HS3ST2: variants seen among roughly 807,000 people sequenced by gnomAD.
HS3ST2 encodes the protein heparan sulfate-glucosamine 3-sulfotransferase 2, also known as heparan sulfate glucosamine 3-O-sulfotransferase 2.
A neutral mutation model predicts 26.3 loss-of-function variants in HS3ST2; 17 were observed. The observed-to-expected ratio is 0.65, with a 90% CI of 0.44 to 0.97. HS3ST2 has a LOEUF of 0.97. Ranked by LOEUF, HS3ST2 falls within the 50% of genes least tolerant of loss-of-function variation. HS3ST2 has a pLI of 0.00. For missense variants in HS3ST2, 402 were observed against 501.2 expected (o/e 0.80, Z 1.89); for synonymous variants, 237 against 219.2 (o/e 1.08, Z -0.72).
intron 1 of HS3ST2, among the ~76,000 whole-genome samples, chr16:22,836,523 T>C (rs1198019097): frequency 6.6e-6 from 1 of 152,230 alleles, no homozygotes; most frequent in Non-Finnish European, 1.5e-5. Flanking sequence ...CTGTCCTTCC[T>C]GTCTCCATTA....
rs139509490 is a variant in HS3ST2, at chr16:22,906,825, G to A, written c.486-8119G>A. 1.6e-4 allele frequency among the ~76,000 whole-genome samples: 24 copies of A among 152,264 alleles called. No individual in the cohort carries two copies. In the East Asian group the frequency reaches 4.6e-3, roughly 29 times the overall value. Reference sequence around the variant, plus strand: ...AGGACTCAAGGGCCGCTTCTCAATGGGCATCTACCTCTGACACTGGATCTT... The same window carrying A: ...AGGACTCAAGGGCCGCTTCTCAATGAGCATCTACCTCTGACACTGGATCTT... On this transcript the variant is annotated intron_variant, in intron 1 of 1. Coordinates refer to ENST00000261374, the MANE Select transcript of HS3ST2 (RefSeq NM_006043.2).
intron 1 of HS3ST2, among the ~76,000 whole-genome samples, chr16:22,888,596 A>G (rs1195806611): frequency 2.6e-5 from 4 of 151,950 alleles, no homozygotes; most frequent in Non-Finnish European, 5.9e-5. Context: ...GATGTTAGCC[A>G]GAATGGTCTC....
chr16:22,908,250 G>T (rs1306469790), intron 1 of HS3ST2, among the ~76,000 whole-genome samples: 1 of 152,194 alleles, frequency 6.6e-6, no homozygotes, highest in Non-Finnish European at 1.5e-5. Flanking sequence ...AAATGGATTA[G>T]ATAGGTTGTT....
intron 1 of HS3ST2, among the ~76,000 whole-genome samples, chr16:22,841,702 G>A (rs942927630): frequency 3.7e-4 from 57 of 152,124 alleles, no homozygotes; most frequent in African/African-American, 1.3e-3. Flanking sequence ...CAAGATTGTA[G>A]ATTTATCCAG....
intron 1 of HS3ST2, among the ~76,000 whole-genome samples, chr16:22,851,371 A>G (rs1433005255): frequency 6.6e-6 from 1 of 152,228 alleles, no homozygotes; most frequent in Non-Finnish European, 1.5e-5. Context: ...GTCTCATTTT[A>G]TACGTGAGGA....
At chr16:22,831,285 C>T (rs1215354296) in intron 1 of HS3ST2, among the ~76,000 whole-genome samples, 2 of 152,242 alleles carry the variant, frequency 1.3e-5, no homozygotes, top group African/African-American at 2.4e-5. Flanking sequence ...CACTAAGATT[C>T]TCCCTGCTTT....
At chr16:22,832,171 A>ATTTTTTTTTT (rs1289839839) in intron 1 of HS3ST2, among the ~76,000 whole-genome samples, 17 of 112,208 alleles carry the variant, frequency 1.5e-4, no homozygotes, top group South Asian at 3.3e-4. Flanking sequence ...TTTTTTTTTA[A>ATTTTTTTTTT]TTTTTAGTGG....
At chr16:22,870,569 A>G (rs977655722) in intron 1 of HS3ST2, among the ~76,000 whole-genome samples, 2 of 151,764 alleles carry the variant, frequency 1.3e-5, no homozygotes, top group Admixed American at 1.3e-4. Flanking sequence ...TGTCTCTCTG[A>G]TCTCCTCCCC....
At chr16:22,899,489 G>A (rs574723279) in intron 1 of HS3ST2, among the ~76,000 whole-genome samples, 20 of 152,304 alleles carry the variant, frequency 1.3e-4, no homozygotes, top group South Asian at 1.2e-3. Flanking sequence ...GGAACGGTCT[G>A]AAATAGTCAT....
At chr16:22,907,558 A>G (rs1902371791) in intron 1 of HS3ST2, among the ~76,000 whole-genome samples, 2 of 152,350 alleles carry the variant, frequency 1.3e-5, no homozygotes, top group South Asian at 4.1e-4. Flanking sequence ...TACAAGAACG[A>G]AAGACACTGG....
Position 22,816,723 on chromosome 16 carries a change from C to G in HS3ST2, c.485+1628C>G, listed in dbSNP as rs573933777. On this transcript the variant is annotated intron_variant, in intron 1 of 1. Coordinates refer to ENST00000261374, the MANE Select transcript of HS3ST2 (RefSeq NM_006043.2). The stretch of plus-strand genomic sequence containing the variant: ...TGTGGACACTGTCTGAGTCAGATCC[C>G]GGGATGGAGGAGGCAAACACATTGA... 3.9e-5 allele frequency among the ~76,000 whole-genome samples: 6 copies of G among 152,280 alleles called. No homozygotes were observed. In the South Asian group the frequency reaches 6.2e-4, roughly 16 times the overall value.
In HS3ST2 at chr16:22,857,444, C is replaced by T. The variant is rs79195112; in HGVS notation, c.485+42349C>T. ...ATTTTAAAGCGTAAACAGTGGAAAA[C>T]GCGTTAATATCATTTCCTTTCCAGC... On this transcript the variant is annotated intron_variant, in intron 1 of 1. Coordinates refer to ENST00000261374, the MANE Select transcript of HS3ST2 (RefSeq NM_006043.2). 1.6e-3 allele frequency among the ~76,000 whole-genome samples: 245 copies of T among 152,246 alleles called. 1 individual carries two copies. The highest frequency in any genetic ancestry group is 4.1e-3 in the East Asian group (21 of 5,184).
intron 1 of HS3ST2, among the ~76,000 whole-genome samples, chr16:22,839,930 G>A (rs1424263798): frequency 6.6e-6 from 1 of 152,112 alleles, no homozygotes; most frequent in East Asian, 1.9e-4. Context: ...GCTTTTTAAT[G>A]TAAAAATAAA....
chr16:22,881,438 C>T (rs1378651582), intron 1 of HS3ST2, among the ~76,000 whole-genome samples: 1 of 152,152 alleles, frequency 6.6e-6, no homozygotes, highest in Admixed American at 6.5e-5. Flanking sequence ...GGTCTCTACC[C>T]CTTCTCCTGT....
chr16:22,834,906 G>A (rs547842880), intron 1 of HS3ST2, among the ~76,000 whole-genome samples: 2 of 152,086 alleles, frequency 1.3e-5, no homozygotes, highest in East Asian at 3.9e-4. Flanking sequence ...TTAGCCATTT[G>A]CATTCATTTT....
intron 1 of HS3ST2, among the ~76,000 whole-genome samples, chr16:22,822,306 C>T (rs1196502723): frequency 6.6e-6 from 1 of 152,124 alleles, no homozygotes; most frequent in African/African-American, 2.4e-5. Flanking sequence ...GCTAGGACTA[C>T]AGGTGTGCAC....
rs1160916401 is a variant in HS3ST2, at chr16:22,814,313, C to G, written c.-298C>G. ...TCGGGCGCTGGGCGCGCTCCGAACC[C>G]GGCGCACGTAAGAGCCTGGGAGCGC... On this transcript the variant is annotated 5_prime_UTR_variant, in exon 1 of 2. Transcript: ENST00000261374. 3.1e-6 allele frequency: 1 copy of G among 321,206 alleles called. No individual in the cohort carries two copies. Among genetic ancestry groups the G allele is most frequent in the African/African-American group, 2.1e-5 (1 of 46,692 alleles). 19.9% of individuals were successfully genotyped at this position (321,206 alleles called of 1,614,324 possible).
intron 1 of HS3ST2, among the ~76,000 whole-genome samples, chr16:22,819,816 C>T (rs931018170): frequency 5.9e-5 from 9 of 152,368 alleles, no homozygotes; most frequent in African/African-American, 1.9e-4. Context: ...AGATCTATCA[C>T]ATTATCCAGT....
intron 1 of HS3ST2, among the ~76,000 whole-genome samples, chr16:22,857,109 G>A (rs989270067): frequency 4.6e-5 from 7 of 152,110 alleles, no homozygotes; most frequent in South Asian, 2.1e-4. Flanking sequence ...TGAGAAAAGC[G>A]AGGTTCAGAG....
Sources: allele counts gnomAD v4.1 joint callset (sites outside exome capture counted in the v4.1 genomes callset), GRCh38; gene constraint gnomAD v4.1.1; transcripts MANE v1.5; gene names NCBI Gene and HGNC (gene_info 2026-07-23, HGNC 2026-07-21).